The following STAG1 variants were observed in gnomAD, a reference collection of about 807,000 sequenced individuals.
The protein encoded by STAG1 is STAG1 cohesin complex component.
A neutral mutation model predicts 170.9 loss-of-function variants in STAG1; 26 were observed. The ratio of observed to expected loss-of-function variants is 0.15; its 90% CI spans 0.11 to 0.21. The LOEUF (loss-of-function observed/expected upper bound fraction) is 0.21, where lower values mean the gene tolerates loss of function less well. STAG1 is among the 10% of genes least tolerant of loss of function. The pLI is 1.00. For synonymous variants in STAG1, 514 were observed against 497.7 expected (o/e 1.03, Z -0.44); for missense variants, 964 against 1,509.5 (o/e 0.64, Z 5.99).
intron 4 of STAG1, among the ~76,000 whole-genome samples, chr3:136,579,849 A>C (rs558464770): frequency 2.0e-5 from 3 of 152,174 alleles, no homozygotes; most frequent in African/African-American, 7.2e-5. Context: ...GTAAATAATT[A>C]TGTAAATGCC....
chr3:136,679,294 C>A (rs1942249754), intron 1 of STAG1, among the ~76,000 whole-genome samples: 1 of 151,942 alleles, frequency 6.6e-6, no homozygotes, highest in Admixed American at 6.6e-5. Context: ...ATAAAAGCAG[C>A]ATGGGCCAGG....
intron 9 of STAG1, 190 bp downstream of exon 9, chr3:136,500,033 A>G (rs1329743758): frequency 1.0e-5 from 5 of 501,698 alleles, no homozygotes; most frequent in South Asian, 4.3e-5. Flanking sequence ...TTGGAAGAGT[A>G]TAACAGTGGT....
chr3:136,747,475 G>A (rs1235490111), intron 1 of STAG1, among the ~76,000 whole-genome samples: 3 of 152,054 alleles, frequency 2.0e-5, no homozygotes, highest in Non-Finnish European at 4.4e-5. Context: ...GATTACTTGA[G>A]GCCAGTAGTT....
At position 136,369,286 on chromosome 3, in the gene STAG1, G is replaced by C. The variant is rs1937200200; in HGVS notation, c.2371-4C>G. ...GATCACAGAGTAACATGAAAGCCTG[G>C]AATACAAAGGCAATTTATCAGCAAA... On this transcript the variant is annotated splice_polypyrimidine_tract_variant and splice_region_variant and intron_variant, in intron 23 of 33. Coordinates refer to ENST00000383202, the MANE Select transcript of STAG1 (RefSeq NM_005862.3). 1.3e-6 allele frequency: 2 copies of C among 1,571,832 alleles called. No homozygotes were observed. The highest frequency in any genetic ancestry group is 2.8e-5 in the African/African-American group (2 of 71,684).
At chr3:136,732,237 T>TAAAAAAAAAAAAA (rs71134406) in intron 1 of STAG1, among the ~76,000 whole-genome samples, 2 of 85,754 alleles carry the variant, frequency 2.3e-5, no homozygotes, top group Non-Finnish European at 4.8e-5. Flanking sequence ...TATCCACAAC[T>TAAAAAAAAAAAAA]AAAAAAAAAA....
intron 13 of STAG1, among the ~76,000 whole-genome samples, chr3:136,460,227 C>A (rs1036091663): frequency 2.0e-5 from 3 of 152,200 alleles, no homozygotes; most frequent in Non-Finnish European, 4.4e-5. Context: ...TTATACACAT[C>A]TGTATACCAA....
rs1559828636 is a variant in STAG1 at position 136,477,418 on chromosome 3, GA to G, written c.903-7del. On this transcript the variant is annotated splice_polypyrimidine_tract_variant and splice_region_variant and intron_variant, in intron 9 of 33. Transcript: ENST00000383202. Reference sequence around the variant, plus strand: ...TAATCTCAGCAATAGCATCACTAGAGAGAGAAAAAAAAGACAATCTCAAATT... The same window carrying G: ...TAATCTCAGCAATAGCATCACTAGAGGAGAAAAAAAAGACAATCTCAAATT... The G allele has an allele frequency of 1.3e-6, 2 of 1,590,760 alleles. No homozygotes were observed. Among genetic ancestry groups the G allele is most frequent in the Non-Finnish European group, 1.7e-6 (2 of 1,172,524 alleles).
chr3:136,421,607 T>C (rs75482023), intron 19 of STAG1, among the ~76,000 whole-genome samples: 7 of 152,164 alleles, frequency 4.6e-5, no homozygotes, highest in Middle Eastern at 6.8e-3. Flanking sequence ...CAGAGAACTA[T>C]GGAAATTCCA....
intron 1 of STAG1, among the ~76,000 whole-genome samples, chr3:136,722,775 T>C (rs1288613132): frequency 2.0e-5 from 3 of 151,872 alleles, no homozygotes; most frequent in Non-Finnish European, 4.4e-5. Flanking sequence ...CCATCTCGGC[T>C]CACTGCAGCC....
chr3:136,535,217 T>TA (rs1935559780), intron 6 of STAG1, among the ~76,000 whole-genome samples: 1 of 152,178 alleles, frequency 6.6e-6, no homozygotes, highest in South Asian at 2.1e-4. Context: ...AATAGAATGA[T>TA]AGATGCCAGA....
In STAG1 at chr3:136,337,357, A is replaced by C. The variant is rs559562551; in HGVS notation, c.*897T>G. 4 of 147,792 alleles carry C rather than the reference A, an allele frequency of 2.7e-5. No individual in the cohort carries two copies. The highest frequency in any genetic ancestry group is 6.6e-5 in the Admixed American group (1 of 15,142). The allele number at this position is 147,792 out of a possible 1,614,324, so 9.2% of individuals were successfully genotyped here. ...TGTAACTTGAATTTGGCAGGGCATG[A>C]AATAAGTGGTAAAAACAGCAAACTG... On this transcript the variant is annotated 3_prime_UTR_variant, in exon 34 of 34. Coordinates refer to ENST00000383202, the MANE Select transcript of STAG1 (RefSeq NM_005862.3).
intron 1 of STAG1, among the ~76,000 whole-genome samples, chr3:136,688,419 A>G (rs1942611258): frequency 6.6e-6 from 1 of 151,558 alleles, no homozygotes; most frequent in South Asian, 2.1e-4. Flanking sequence ...TCTTTTTTTG[A>G]GACAGAATCT....
intron 1 of STAG1, among the ~76,000 whole-genome samples, chr3:136,731,700 T>C (rs113335876): frequency 0.023 from 3,541 of 152,326 alleles, 61 homozygotes; most frequent in Non-Finnish European, 0.038. Flanking sequence ...ATATGGCTCA[T>C]TGTAAATGTT....
intron 4 of STAG1, among the ~76,000 whole-genome samples, chr3:136,582,125 G>A (rs1338114914): frequency 6.7e-6 from 1 of 149,528 alleles, no homozygotes; most frequent in Admixed American, 6.8e-5. Context: ...AGTGGAAGGT[G>A]CTAAGTGGAT....
chr3:136,507,563 C>T (rs1248865226), intron 7 of STAG1, among the ~76,000 whole-genome samples: 3 of 151,910 alleles, frequency 2.0e-5, no homozygotes, highest in Non-Finnish European at 2.9e-5. Context: ...GATGGGGGTC[C>T]CACTATATTG....
chr3:136,578,902 T>C (rs1170961746), intron 4 of STAG1, among the ~76,000 whole-genome samples: 1 of 152,144 alleles, frequency 6.6e-6, no homozygotes, highest in African/African-American at 2.4e-5. Context: ...ACCTACACGA[T>C]TAAGGTCATT....
Position 136,464,919 on chromosome 3 carries a change from G to A in STAG1, c.1275C>T (p.Arg425=), listed in dbSNP as rs761979863. 3.7e-6 allele frequency: 6 copies of A among 1,612,688 alleles called. No homozygotes were observed. The highest frequency in any genetic ancestry group is 2.2e-5 in the South Asian group (2 of 90,590). ...NVYHLVYSAH[R]PVAVAAGEFL... ...ACTCTCCAGCTGCCACAGCAACAGG[G>A]CGATGTGCCGAGTACACCAAGTGGT... is the stretch of plus-strand genomic sequence containing the variant. Residue 425 remains arginine (R), a synonymous_variant, in exon 13 of 34, where the codon CGC becomes CGT. Transcript: ENST00000383202.
At chr3:136,534,536 TAAAC>T (rs1309846917) in intron 6 of STAG1, among the ~76,000 whole-genome samples, 4 of 149,790 alleles carry the variant, frequency 2.7e-5, no homozygotes, top group African/African-American at 4.9e-5. Flanking sequence ...ATACTGAAAA[TAAAC>T]AACTCAACAA....
intron 1 of STAG1, among the ~76,000 whole-genome samples, chr3:136,646,291 G>A (rs1168627165): frequency 1.3e-5 from 2 of 152,074 alleles, no homozygotes; most frequent in Non-Finnish European, 2.9e-5. Flanking sequence ...GCCTGGCTCA[G>A]GTGGAATCTT....
Sources: allele counts gnomAD v4.1 joint callset (sites outside exome capture counted in the v4.1 genomes callset), GRCh38; gene constraint gnomAD v4.1.1; transcripts MANE v1.5; gene names NCBI Gene and HGNC (gene_info 2026-07-23, HGNC 2026-07-21).